The following OGA variants were observed in gnomAD, a reference collection of about 807,000 sequenced individuals.
OGA encodes O-GlcNAcase, also known as protein O-GlcNAcase.
Under a neutral mutation model 102.0 loss-of-function variants are expected in OGA, and 21 were observed. The observed-to-expected ratio is 0.21, with a 90% CI of 0.15 to 0.30. The LOEUF (loss-of-function observed/expected upper bound fraction) is 0.30, where lower values mean the gene tolerates loss of function less well. Among genes scored for constraint, OGA ranks in the 10% least tolerant of loss-of-function variants. The pLI, the probability that OGA is intolerant of heterozygous loss-of-function variation, is 1.00. For synonymous variants in OGA, 408 were observed against 378.2 expected (o/e 1.08, Z -0.91); for missense variants, 765 against 1,107.8 (o/e 0.69, Z 4.39).
chr10:101,798,137 T>C lies in OGA; in HGVS notation c.1827A>G (p.Ser609=), dbSNP rs2065340289. The C allele has an allele frequency of 3.1e-6, 5 of 1,614,080 alleles. No homozygotes were observed. In the African/African-American group the frequency reaches 4.0e-5, roughly 13 times the overall value. Residue 609 remains serine, a synonymous_variant, in exon 10 of 16, where the codon TCA becomes TCG. Transcript: ENST00000361464. ...ACATCTCTTCAAACTTGGCTGCTCGTGACCGCCATTCTTCAATCTATTGAA... is the reference window on the plus strand; with the variant it reads ...ACATCTCTTCAAACTTGGCTGCTCGCGACCGCCATTCTTCAATCTATTGAA... The part of the protein sequence containing the change: ...KDSEKIEEWR[S]RAAKFEEMCG...
At chr10:101,787,844 G>A (rs780002733) in intron 14 of OGA, 5 of 222,674 alleles carry the variant, frequency 2.2e-5, no homozygotes, top group Non-Finnish European at 3.6e-5. Flanking sequence ...CTTCTATCTC[G>A]GCCTCCTGAA....
Position 101,799,247 on chromosome 10 carries a change from C to T in OGA, c.1404G>A (p.Val468=), listed in dbSNP as rs2135053729. 6.2e-7 allele frequency: 1 copy of T among 1,614,168 alleles called. No individual in the cohort carries two copies. The highest frequency in any genetic ancestry group is 2.2e-5 in the East Asian group (1 of 44,886). Residue 468 remains valine, a synonymous_variant, in exon 9 of 16, where the codon GTG becomes GTA. Coordinates refer to ENST00000361464, the MANE Select transcript of OGA (RefSeq NM_012215.5). ...GGTCCGTTTCTTCTTGTTTTTCCACCACCATGTCCATGGGTTCTTCATCAG... is the reference window on the plus strand; with the variant it reads ...GGTCCGTTTCTTCTTGTTTTTCCACTACCATGTCCATGGGTTCTTCATCAG... The part of the protein sequence containing the change: ...KQPDEEPMDM[V]VEKQEETDHK...
intron 10 of OGA, 77 bp from the exon 11 acceptor site, chr10:101,794,075 C>A: frequency 1.0e-6 from 1 of 983,668 alleles, no homozygotes; most frequent in Middle Eastern, 2.1e-4. Context: ...AACAAACTGA[C>A]AAACACTTCG....
intron 10 of OGA, chr10:101,795,898 C>G (rs1408013161): frequency 1.0e-6 from 1 of 982,272 alleles, no homozygotes; most frequent in East Asian, 1.1e-4. Context: ...GCTGTAAGAG[C>G]TTGAGATTGT....
chr10:101,796,348 A>C (rs2065316534), intron 10 of OGA, among the ~76,000 whole-genome samples: 1 of 151,570 alleles, frequency 6.6e-6, no homozygotes, highest in East Asian at 2.0e-4. Flanking sequence ...TGCAACCTCC[A>C]CCTCCTGGGT....
In OGA at chr10:101,803,840, G is replaced by C; in HGVS notation, c.931C>G (p.Leu311Val). 3.1e-6 allele frequency: 5 copies of C among 1,614,154 alleles called. No homozygotes were observed. Among genetic ancestry groups the C allele is most frequent in the Non-Finnish European group, 4.2e-6 (5 of 1,180,006 alleles). ...TELIPRLKGVLTNPNCEFEAN... is the reference protein window; with the variant it reads ...TELIPRLKGVVTNPNCEFEAN... Reference sequence around the variant, plus strand: ...TCAAATTCACAATTTGGATTAGTGAGGACTCCTTTTAACCGTGGGATGAGT... The same window carrying C: ...TCAAATTCACAATTTGGATTAGTGACGACTCCTTTTAACCGTGGGATGAGT... The change falls in exon 7 of 16, where the codon CTC becomes GTC. Residue 311 changes from leucine (L) to valine (V), a missense_variant. Transcript: ENST00000361464.
Position 101,792,820 on chromosome 10 carries a change from T to C in OGA, c.2175+19A>G, listed in dbSNP as rs371633467. 7.2e-6 allele frequency: 11 copies of C among 1,525,962 alleles called. No individual in the cohort carries two copies. The highest frequency in any genetic ancestry group is 1.0e-5 in the Non-Finnish European group (11 of 1,100,386). 94.5% of individuals were successfully genotyped at this position (1,525,962 alleles called of 1,614,324 possible). On this transcript the variant is annotated intron_variant, in intron 12 of 15. Transcript: ENST00000361464. ...GCACCATACCCATACACCAAGTTGGTAGGTAGAGAGACAATTACCTCATCC... is the reference window on the plus strand; with the variant it reads ...GCACCATACCCATACACCAAGTTGGCAGGTAGAGAGACAATTACCTCATCC...
intron 4 of OGA, 111 bp downstream of exon 4, chr10:101,810,069 AAAAG>A: frequency 8.9e-7 from 1 of 1,125,362 alleles, no homozygotes; most frequent in Non-Finnish European, 1.2e-6. Context: ...AACAAACAAA[AAAAG>A]AAAACAAAGA....
At chr10:101,816,682 C>A (rs1046710954) in intron 1 of OGA, among the ~76,000 whole-genome samples, 1 of 152,174 alleles carries the variant, frequency 6.6e-6, no homozygotes, top group Non-Finnish European at 1.5e-5. Context: ...ATTCTGTAAT[C>A]CCCCAAATTC....
chr10:101,786,912 C>T (rs1355747724), intron 15 of OGA, among the ~76,000 whole-genome samples: 2 of 152,182 alleles, frequency 1.3e-5, no homozygotes, highest in Non-Finnish European at 2.9e-5. Flanking sequence ...GGATTACAGG[C>T]GCCTGCCACC....
intron 14 of OGA, among the ~76,000 whole-genome samples, chr10:101,788,331 C>T (rs1329006463): frequency 6.7e-6 from 1 of 148,764 alleles, no homozygotes; most frequent in African/African-American, 2.5e-5. Context: ...CCCAGCAACT[C>T]GGGAAGCTGA....
At position 101,786,591 on chromosome 10, in the gene OGA, GAAATAAAAC is replaced by G. The variant is rs750057364; in HGVS notation, c.2615-13_2615-5del. On this transcript the variant is annotated splice_polypyrimidine_tract_variant and splice_region_variant and intron_variant, in intron 15 of 15. Transcript: ENST00000361464. ...TCACAGAAAGCTCCCCGGGAGCCTA[GAAATAAAAC>G]AAATATTCAAAACATAAATAAGTCA... The G allele has an allele frequency of 6.3e-7, 1 of 1,575,898 alleles. No homozygotes were observed. Among genetic ancestry groups the G allele is most frequent in the Non-Finnish European group, 8.6e-7 (1 of 1,165,626 alleles).
chr10:101,799,467 A>T lies in OGA; in HGVS notation c.1196-12T>A. Reference sequence around the variant, plus strand: ...TGCAACTTGCCTACCTACAAAAATAAATAAATGTATAAATAAAATGGTCAC... The same window carrying T: ...TGCAACTTGCCTACCTACAAAAATATATAAATGTATAAATAAAATGGTCAC... On this transcript the variant is annotated splice_polypyrimidine_tract_variant and intron_variant, in intron 8 of 15. Coordinates refer to ENST00000361464, the MANE Select transcript of OGA (RefSeq NM_012215.5). 1.3e-6 allele frequency: 2 copies of T among 1,598,196 alleles called. No homozygotes were observed. Among genetic ancestry groups the T allele is most frequent in the Non-Finnish European group, 1.7e-6 (2 of 1,171,092 alleles).
chr10:101,793,547 C>T (rs1219774628), intron 11 of OGA: 1 of 161,236 alleles, frequency 6.2e-6, no homozygotes, highest in Non-Finnish European at 1.4e-5. Flanking sequence ...TATCCAAAAG[C>T]TCTTTCACCA....
Position 101,792,965 on chromosome 10 carries a change from G to A in OGA, c.2071-22C>T, listed in dbSNP as rs773990456. 3.0e-5 allele frequency: 47 copies of A among 1,586,952 alleles called. No individual in the cohort carries two copies. In the South Asian group the frequency reaches 4.6e-4, roughly 16 times the overall value. On this transcript the variant is annotated intron_variant, in intron 11 of 15. Transcript: ENST00000361464. ...AACGCTGTGGGAAGAAAAAAAAGGAGATGGATTAGTTTGGGGAAGGTATCC... is the reference window on the plus strand; with the variant it reads ...AACGCTGTGGGAAGAAAAAAAAGGAAATGGATTAGTTTGGGGAAGGTATCC...
At chr10:101,812,000 A>G (rs2065564771) in intron 3 of OGA, among the ~76,000 whole-genome samples, 2 of 152,184 alleles carry the variant, frequency 1.3e-5, no homozygotes, top group African/African-American at 4.8e-5. Context: ...GTAAACCACA[A>G]CACTAGATGG....
chr10:101,787,308 T>C lies in OGA; in HGVS notation c.2614+56A>G, dbSNP rs1287350321. 8 of 1,478,086 alleles carry C rather than the reference T, an allele frequency of 5.4e-6. No homozygotes were observed. The Middle Eastern group carries it at 5.4e-4, about 100-fold the overall frequency. 91.6% of individuals were successfully genotyped at this position (1,478,086 alleles called of 1,614,324 possible). A position where few individuals can be genotyped will look rare whatever the true frequency, so the allele number is the denominator to read the frequency against. On this transcript the variant is annotated intron_variant, in intron 15 of 15. Coordinates refer to ENST00000361464, the MANE Select transcript of OGA (RefSeq NM_012215.5). Reference sequence around the variant, plus strand: ...TTCTTTCCTTTTATATCCAAAAATATATAGTTCTTTCCCTATCTTGCCCAA... The same window carrying C: ...TTCTTTCCTTTTATATCCAAAAATACATAGTTCTTTCCCTATCTTGCCCAA...
At chr10:101,788,600 T>C (rs1480129921) in intron 14 of OGA, among the ~76,000 whole-genome samples, 1 of 150,360 alleles carries the variant, frequency 6.7e-6, no homozygotes, top group Non-Finnish European at 1.5e-5. Context: ...CTGGGCCTAG[T>C]GGTGGGCGCC....
At chr10:101,806,558 A>C (rs1010876851) in intron 5 of OGA, among the ~76,000 whole-genome samples, 2 of 152,206 alleles carry the variant, frequency 1.3e-5, no homozygotes, top group African/African-American at 4.8e-5. Flanking sequence ...CAAGGAACTA[A>C]AGTGGGCAGT....
Sources: allele counts gnomAD v4.1 joint callset (sites outside exome capture counted in the v4.1 genomes callset), GRCh38; gene constraint gnomAD v4.1.1; transcripts MANE v1.5; gene names NCBI Gene and HGNC (gene_info 2026-07-23, HGNC 2026-07-21).